The following HIPK2 variants were observed in gnomAD, a reference collection of about 807,000 sequenced individuals.
HIPK2 encodes homeodomain-interacting protein kinase 2.
A neutral mutation model predicts 113.7 loss-of-function variants in HIPK2; 27 were observed. The observed-to-expected ratio is 0.24, with a 90% confidence interval of 0.17 to 0.33. The LOEUF (loss-of-function observed/expected upper bound fraction) is 0.33, where lower values mean the gene tolerates loss of function less well. Among genes scored for constraint, HIPK2 ranks in the 10% least tolerant of loss-of-function variants. HIPK2 has a pLI of 1.00. For synonymous variants in HIPK2, 631 were observed against 642.2 expected, an observed-to-expected ratio of 0.98 and a Z score of 0.26; for missense variants, 1,257 against 1,588.0, an observed-to-expected ratio of 0.79 and a Z score of 3.54.
intron 2 of HIPK2, among the ~76,000 whole-genome samples, chr7:139,674,942 C>T (rs1016372570): frequency 7.2e-5 from 11 of 152,216 alleles, no homozygotes; most frequent in African/African-American, 2.7e-4. Flanking sequence ...ATCTCCGGAC[C>T]TGTCCTGGAA....
intron 11 of HIPK2, among the ~76,000 whole-genome samples, chr7:139,597,414 T>TC (rs1378062295): frequency 6.6e-6 from 1 of 152,194 alleles, no homozygotes; most frequent in East Asian, 1.9e-4. Context: ...ACTTAAGTCT[T>TC]GTTTTGGGGG....
intron 9 of HIPK2, among the ~76,000 whole-genome samples, chr7:139,604,536 C>T (rs1448160433): frequency 6.6e-6 from 1 of 151,784 alleles, no homozygotes; most frequent in African/African-American, 2.4e-5. Context: ...AAAAAATTAG[C>T]TGGGCGTGGT....
In HIPK2 at chr7:139,715,917, T is replaced by C; in HGVS notation, c.1103+15A>G. ...GGGCATTCAGCAGCTCCTGTCTCCT[T>C]GTGGACGGTCTTACCTGTAATATCT... On this transcript the variant is annotated intron_variant, in intron 2 of 14. Coordinates refer to ENST00000406875, the MANE Select transcript of HIPK2 (RefSeq NM_022740.5). The C allele has an allele frequency of 6.2e-7, 1 of 1,606,992 alleles. No individual in the cohort carries two copies.
At chr7:139,700,146 G>A (rs945411335) in intron 2 of HIPK2, among the ~76,000 whole-genome samples, 1 of 152,180 alleles carries the variant, frequency 6.6e-6, no homozygotes, top group East Asian at 1.9e-4. Flanking sequence ...GAGGGCTGAC[G>A]TGAGACTGCT....
chr7:139,701,371 G>C (rs1794703053), intron 2 of HIPK2, among the ~76,000 whole-genome samples: 1 of 152,224 alleles, frequency 6.6e-6, no homozygotes, highest in African/African-American at 2.4e-5. Context: ...GCTAACTGCA[G>C]GACGTGAAGA....
rs972139831 is a variant in HIPK2, at chr7:139,714,254, C to G, written c.1103+1678G>C. Among the ~76,000 whole-genome samples the G allele has an allele frequency of 6.6e-6, 1 of 152,120 alleles. No homozygotes were observed. Among genetic ancestry groups the G allele is most frequent in the Non-Finnish European group, 1.5e-5 (1 of 68,018 alleles). On this transcript the variant is annotated intron_variant, in intron 2 of 14. Transcript: ENST00000406875. This position sits in a 1 kb window ranked among gnomAD's most constrained non-coding sequence, Gnocchi z 4.2. ...AGCTGTTCTAACTCAGGAAATGCCTCCTAAAGGGAAGAGGGAAGAGACAGA... is the reference window on the plus strand; with the variant it reads ...AGCTGTTCTAACTCAGGAAATGCCTGCTAAAGGGAAGAGGGAAGAGACAGA...
At chr7:139,584,707 T>TGCAGGCCACTA (rs202226943) in intron 12 of HIPK2, among the ~76,000 whole-genome samples, 1,768 of 152,324 alleles carry the variant, frequency 0.012, 29 homozygotes, top group African/African-American at 0.039. Context: ...GTGGGCTGTG[T>TGCAGGCCACTA]GCAGGCCACT....
chr7:139,670,481 T>C (rs1247519435), intron 2 of HIPK2, among the ~76,000 whole-genome samples: 1 of 151,420 alleles, frequency 6.6e-6, no homozygotes, highest in Non-Finnish European at 1.5e-5. Flanking sequence ...TAGTCCCAGC[T>C]ACTCCAGGAG....
At position 139,613,833 on chromosome 7, in the gene HIPK2, T is replaced by C. The variant is rs949930144; in HGVS notation, c.1990+453A>G. Among the ~76,000 whole-genome samples, 35 of 152,082 alleles carry C rather than the reference T, an allele frequency of 2.3e-4. No individual in the cohort carries two copies. The highest frequency in any genetic ancestry group is 7.0e-4 in the African/African-American group (29 of 41,410). On this transcript the variant is annotated intron_variant, in intron 8 of 14. Transcript: ENST00000406875. This position sits in a 1 kb window ranked among gnomAD's most constrained non-coding sequence, Gnocchi z 4.2. ...GAGTGCTGGGGTCATGGCCAAAGAA[T>C]TGTTTTGAGGAGGGGTCCCAGGGAA...
chr7:139,636,887 G>A (rs1171071197), intron 2 of HIPK2, among the ~76,000 whole-genome samples: 1 of 152,144 alleles, frequency 6.6e-6, no homozygotes, highest in African/African-American at 2.4e-5. Context: ...GCCTGGTATT[G>A]CCTCTGGAAT....
chr7:139,773,497 C>T (rs1481243355), intron 1 of HIPK2, among the ~76,000 whole-genome samples: 14 of 152,102 alleles, frequency 9.2e-5, no homozygotes, highest in Admixed American at 4.6e-4. Flanking sequence ...AAAGCACAGG[C>T]GAATTACACG....
In HIPK2 at chr7:139,683,224, G is replaced by A. The variant is rs1033483099; in HGVS notation, c.1103+32708C>T. On this transcript the variant is annotated intron_variant, in intron 2 of 14. Transcript: ENST00000406875. The surrounding 1 kb of genome is among the most constrained non-coding windows in gnomAD (Gnocchi z 4.2). Reference sequence around the variant, plus strand: ...ACTATATAACACGCGTGCCACACACGAGGATAAAAATGCGAACAGAGACTG... The same window carrying A: ...ACTATATAACACGCGTGCCACACACAAGGATAAAAATGCGAACAGAGACTG... Among the ~76,000 whole-genome samples, 4 of 152,292 alleles carry A rather than the reference G, an allele frequency of 2.6e-5. No individual in the cohort carries two copies. Among genetic ancestry groups the A allele is most frequent in the Non-Finnish European group, 4.4e-5 (3 of 68,020 alleles).
intron 2 of HIPK2, among the ~76,000 whole-genome samples, chr7:139,649,272 G>A (rs1053910711): frequency 1.3e-5 from 2 of 152,122 alleles, no homozygotes; most frequent in Admixed American, 6.5e-5. Flanking sequence ...GGGGCGGGCC[G>A]ATGCAGCACC....
chr7:139,667,612 C>T (rs1003944262), intron 2 of HIPK2, among the ~76,000 whole-genome samples: 3 of 152,152 alleles, frequency 2.0e-5, no homozygotes, highest in Non-Finnish European at 4.4e-5. Context: ...AGAAGTGGTA[C>T]TGACTCACTA....
intron 13 of HIPK2, 21 bp from the exon 14 acceptor site, chr7:139,575,309 G>A (rs1023256485): frequency 6.5e-7 from 1 of 1,547,908 alleles, no homozygotes; most frequent in Non-Finnish European, 8.7e-7. Flanking sequence ...AGGAGAAAGA[G>A]GTCAGATCAG....
intron 2 of HIPK2, among the ~76,000 whole-genome samples, chr7:139,668,326 C>T (rs1197436681): frequency 6.6e-6 from 1 of 152,014 alleles, no homozygotes; most frequent in African/African-American, 2.4e-5. Flanking sequence ...CTTTGGGAGG[C>T]CGAGGTGGGT....
intron 7 of HIPK2, among the ~76,000 whole-genome samples, chr7:139,619,237 C>T (rs1318822279): frequency 6.6e-6 from 1 of 152,096 alleles, no homozygotes; most frequent in Non-Finnish European, 1.5e-5. Flanking sequence ...ACAGGAGGGA[C>T]CTTTCAAAAA....
chr7:139,741,197 T>C (rs1337698570), intron 1 of HIPK2, among the ~76,000 whole-genome samples: 1 of 151,788 alleles, frequency 6.6e-6, no homozygotes, highest in Non-Finnish European at 1.5e-5. Flanking sequence ...TGGTGAAGAG[T>C]TGGTGAGGAA....
At chr7:139,653,675 G>A (rs1236250882) in intron 2 of HIPK2, among the ~76,000 whole-genome samples, 1 of 151,790 alleles carries the variant, frequency 6.6e-6, no homozygotes, top group East Asian at 1.9e-4. Context: ...CTTGTACAAT[G>A]TTTTTTTCTT....
Sources: gnomAD v4.1 joint callset for allele counts (sites outside exome capture counted in the v4.1 genomes callset) on GRCh38, gnomAD v4.1.1 for gene constraint, Gnocchi (gnomAD v3.1) non-coding constraint, MANE v1.5 for transcripts, NCBI Gene and HGNC (gene_info 2026-07-23, HGNC 2026-07-21) for gene names.